ADAMTS20: variants seen among roughly 807,000 people sequenced by gnomAD.
ADAMTS20 encodes A disintegrin and metalloproteinase with thrombospondin motifs 20.
In ADAMTS20, 225 loss-of-function variants were observed where a neutral mutation model predicts 260.1. That is an observed-to-expected ratio of 0.87 (90% CI 0.78 to 0.97). ADAMTS20 has a LOEUF of 0.97. Ranked by LOEUF, ADAMTS20 falls within the 50% of genes least tolerant of loss-of-function variation. The pLI is 0.00. For missense variants in ADAMTS20, 2,400 were observed against 2,337.7 expected, an observed-to-expected ratio of 1.03 and a Z score of -0.55; for synonymous variants, 802 against 769.5, an observed-to-expected ratio of 1.04 and a Z score of -0.70.
At chr12:43,408,755 C>A (rs1205015882) in intron 28 of ADAMTS20, among the ~76,000 whole-genome samples, 1 of 152,056 alleles carries the variant, frequency 6.6e-6, no homozygotes, top group Non-Finnish European at 1.5e-5. Flanking sequence ...TAAGATTTTG[C>A]CTTTAATTAC....
At position 43,551,482 on chromosome 12, in the gene ADAMTS20, C is replaced by T. The variant is rs999001958; in HGVS notation, c.92-212G>A. On this transcript the variant is annotated intron_variant, in intron 1 of 38. Coordinates refer to ENST00000389420, the MANE Select transcript of ADAMTS20 (RefSeq NM_025003.5). This position sits in a 1 kb window ranked among gnomAD's most constrained non-coding sequence, Gnocchi z 4.6. The stretch of plus-strand genomic sequence containing the variant: ...TCCCACACCCCCAACTTGCCCTACC[C>T]TCCCCAAGCAAAGACCCTACCACTA... Among the ~76,000 whole-genome samples the T allele has an allele frequency of 2.9e-4, 44 of 152,256 alleles. No homozygotes were observed. Among genetic ancestry groups the T allele is most frequent in the African/African-American group, 8.9e-4 (37 of 41,556 alleles).
At chr12:43,384,203 C>T (rs183198675) in intron 29 of ADAMTS20, among the ~76,000 whole-genome samples, 44 of 152,216 alleles carry the variant, frequency 2.9e-4, no homozygotes, top group African/African-American at 9.6e-4. Flanking sequence ...CTCTGACAAG[C>T]GAATCAAGTT....
intron 3 of ADAMTS20, among the ~76,000 whole-genome samples, chr12:43,515,343 G>A (rs1942983213): frequency 6.6e-6 from 1 of 152,090 alleles, no homozygotes; most frequent in South Asian, 2.1e-4. Flanking sequence ...ATTAGTATGA[G>A]CTTTTCCTTT....
chr12:43,491,409 A>G (rs569597186), intron 6 of ADAMTS20, among the ~76,000 whole-genome samples: 6 of 152,346 alleles, frequency 3.9e-5, no homozygotes, highest in African/African-American at 1.4e-4. Context: ...GCAACACATA[A>G]TTGTACATGA....
At chr12:43,501,479 G>A (rs113861385) in intron 4 of ADAMTS20, among the ~76,000 whole-genome samples, 6,283 of 66,950 alleles carry the variant, frequency 0.094, 327 homozygotes, top group East Asian at 0.22. Flanking sequence ...GCGCGCGCGC[G>A]CGCACACACA....
chr12:43,402,491 A>G (rs1234532180), intron 28 of ADAMTS20, among the ~76,000 whole-genome samples: 2 of 152,052 alleles, frequency 1.3e-5, no homozygotes, highest in Non-Finnish European at 2.9e-5. Context: ...ATTTTATCAT[A>G]TCTGATGGAA....
At chr12:43,424,252 T>C (rs1363524532) in intron 28 of ADAMTS20, among the ~76,000 whole-genome samples, 24 of 152,080 alleles carry the variant, frequency 1.6e-4, no homozygotes, top group Admixed American at 1.6e-3. Context: ...TCAATGGTAA[T>C]CAAAATGCCT....
At position 43,428,622 on chromosome 12, in the gene ADAMTS20, T is replaced by A. The variant is rs1410689174; in HGVS notation, c.3654+13A>T. On this transcript the variant is annotated intron_variant, in intron 25 of 38. Coordinates refer to ENST00000389420, the MANE Select transcript of ADAMTS20 (RefSeq NM_025003.5). ...AATTTTTCATTTTCTTTTTTTCTCA[T>A]AAGAATACTTACGGGTGACCAATCC... The A allele has an allele frequency of 6.5e-7, 1 of 1,537,128 alleles. No homozygotes were observed.
At chr12:43,393,775 G>A (rs1940644327) in intron 29 of ADAMTS20, among the ~76,000 whole-genome samples, 1 of 151,940 alleles carries the variant, frequency 6.6e-6, no homozygotes. Flanking sequence ...TGAGGTTAAA[G>A]AGACTCTAGG....
intron 7 of ADAMTS20, among the ~76,000 whole-genome samples, chr12:43,484,273 G>C (rs932064560): frequency 6.6e-6 from 1 of 152,052 alleles, no homozygotes; most frequent in Admixed American, 6.5e-5. Context: ...TTAAAAACAG[G>C]GTTCTGTGAC....
intron 4 of ADAMTS20, among the ~76,000 whole-genome samples, chr12:43,494,741 T>C (rs997511943): frequency 2.7e-5 from 4 of 148,046 alleles, no homozygotes; most frequent in African/African-American, 5.3e-5. Context: ...CAGTTGAATT[T>C]ATATATTCAT....
intron 31 of ADAMTS20, among the ~76,000 whole-genome samples, chr12:43,380,494 A>G (rs1328374340): frequency 1.3e-5 from 2 of 152,170 alleles, no homozygotes; most frequent in Non-Finnish European, 2.9e-5. Context: ...AAGTAAAACT[A>G]TCTCTATTTG....
chr12:43,418,956 G>A (rs1424973407), intron 28 of ADAMTS20, among the ~76,000 whole-genome samples: 4 of 152,024 alleles, frequency 2.6e-5, no homozygotes, highest in Non-Finnish European at 5.9e-5. Flanking sequence ...ATATTTTTCA[G>A]CTAAAGAAGT....
intron 4 of ADAMTS20, among the ~76,000 whole-genome samples, chr12:43,494,916 T>C (rs1219696534): frequency 6.6e-6 from 1 of 152,184 alleles, no homozygotes; most frequent in Non-Finnish European, 1.5e-5. Context: ...AAAAGCTCTT[T>C]TTCCCCTATA....
chr12:43,355,409 T>G (rs1211228151), intron 38 of ADAMTS20, among the ~76,000 whole-genome samples: 3 of 152,192 alleles, frequency 2.0e-5, no homozygotes, highest in Admixed American at 2.0e-4. Context: ...CATTTTTGAT[T>G]GAGATAGAAC....
intron 7 of ADAMTS20, among the ~76,000 whole-genome samples, chr12:43,475,519 G>C (rs1942336989): frequency 6.6e-6 from 1 of 151,388 alleles, no homozygotes; most frequent in Non-Finnish European, 1.5e-5. Flanking sequence ...CCAAAAAAGA[G>C]CCCGCATCGC....
chr12:43,482,724 T>C (rs539028674), intron 7 of ADAMTS20, among the ~76,000 whole-genome samples: 7 of 152,268 alleles, frequency 4.6e-5, no homozygotes, highest in African/African-American at 1.7e-4. Context: ...CAAGGACACT[T>C]GGGAGTTCCA....
rs1387684281 is a variant in ADAMTS20, at chr12:43,453,854, C to T, written c.1760+53G>A. 14 of 1,546,378 alleles carry T rather than the reference C, an allele frequency of 9.1e-6. No individual in the cohort carries two copies. The East Asian group carries it at 3.4e-4, about 38-fold the overall frequency. ...TAGAAGTGAGTGAAACTGATGTTTA[C>T]TTTCTGGTGCCTTGAGATAATCTTA... On this transcript the variant is annotated intron_variant, in intron 12 of 38. Coordinates refer to ENST00000389420, the MANE Select transcript of ADAMTS20 (RefSeq NM_025003.5).
rs572041452 is a variant in ADAMTS20 at position 43,442,491 on chromosome 12, C to A, written c.2290+1300G>T. Reference sequence around the variant, plus strand: ...CAGGCTGGTCTCGAACTCCTGACCTCAGATGATCCACCTGCCTCGGCCTCC... The same window carrying A: ...CAGGCTGGTCTCGAACTCCTGACCTAAGATGATCCACCTGCCTCGGCCTCC... On this transcript the variant is annotated intron_variant, in intron 16 of 38. Coordinates refer to ENST00000389420, the MANE Select transcript of ADAMTS20 (RefSeq NM_025003.5). Among the ~76,000 whole-genome samples, 9 of 152,262 alleles carry A rather than the reference C, an allele frequency of 5.9e-5. No homozygotes were observed. The East Asian group carries it at 1.7e-3, about 29-fold the overall frequency.
Sources: allele counts gnomAD v4.1 joint callset (sites outside exome capture counted in the v4.1 genomes callset), GRCh38; gene constraint gnomAD v4.1.1; non-coding constraint Gnocchi (gnomAD v3.1); transcripts MANE v1.5; gene names NCBI Gene and HGNC (gene_info 2026-07-23, HGNC 2026-07-21).